The following ENTHD1 variants were observed in gnomAD, a reference collection of about 807,000 sequenced individuals.
ENTHD1 encodes ENTH domain containing 1, also known as ENTH domain-containing protein 1.
In ENTHD1, 23 loss-of-function variants were observed where a neutral mutation model predicts 39.1. That is an observed-to-expected ratio of 0.59 (90% CI 0.42 to 0.83). The LOEUF (loss-of-function observed/expected upper bound fraction) is 0.83. Among genes scored for constraint, ENTHD1 ranks in the 40% least tolerant of loss-of-function variants. The probability of loss-of-function intolerance (pLI) is 0.00; values close to 1 mark genes in which losing one functional copy is unlikely to be tolerated. For missense variants in ENTHD1, 624 were observed against 705.4 expected (o/e 0.88, Z 1.31); for synonymous variants, 230 against 258.2 (o/e 0.89, Z 1.05).
intron 5 of ENTHD1, among the ~76,000 whole-genome samples, chr22:39,799,250 G>C (rs986883159): frequency 5.3e-5 from 8 of 152,176 alleles, no homozygotes; most frequent in African/African-American, 1.9e-4. Flanking sequence ...GGAGGGGAGG[G>C]TGTGCTCACA....
chr22:39,875,494 G>A, intron 2 of ENTHD1: 1 of 1,586,634 alleles, frequency 6.3e-7, no homozygotes. Flanking sequence ...TCGCCTCCGT[G>A]GGCCTCAATG....
At chr22:39,745,763 T>C (rs1294620896) in intron 6 of ENTHD1, among the ~76,000 whole-genome samples, 2 of 152,194 alleles carry the variant, frequency 1.3e-5, no homozygotes, top group Non-Finnish European at 2.9e-5. Context: ...TGTCTGAAAA[T>C]GTCTGTACTC....
chr22:39,782,272 G>A (rs1039958524), intron 5 of ENTHD1, among the ~76,000 whole-genome samples: 7 of 152,120 alleles, frequency 4.6e-5, no homozygotes, highest in Non-Finnish European at 7.4e-5. Flanking sequence ...GGGCAACAGA[G>A]AGAGACTCTG....
chr22:39,874,564 G>C (rs1489082937), intron 2 of ENTHD1: 5 of 152,094 alleles, frequency 3.3e-5, no homozygotes, highest in Non-Finnish European at 7.4e-5. Context: ...AAATGGAAAA[G>C]ACAAGCTACA....
chr22:39,808,859 AG>A (rs1392396853), intron 5 of ENTHD1, among the ~76,000 whole-genome samples: 46 of 152,320 alleles, frequency 3.0e-4, no homozygotes, highest in African/African-American at 1.0e-3. Flanking sequence ...TATCAATGAA[AG>A]CCTTTAGTAG....
chr22:39,748,289 C>G (rs1262770935), intron 6 of ENTHD1, among the ~76,000 whole-genome samples: 1 of 151,106 alleles, frequency 6.6e-6, no homozygotes, highest in Non-Finnish European at 1.5e-5. Flanking sequence ...CAAAACATAT[C>G]TGTTAAAGTA....
chr22:39,890,821 G>C (rs1180466045), intron 1 of ENTHD1, among the ~76,000 whole-genome samples: 1 of 152,138 alleles, frequency 6.6e-6, no homozygotes, highest in Non-Finnish European at 1.5e-5. Flanking sequence ...AATGTACAAT[G>C]ACTTGAACTT....
chr22:39,890,136 AAATAAATAAAT>A (rs2066415299), intron 1 of ENTHD1, among the ~76,000 whole-genome samples: 2 of 150,740 alleles, frequency 1.3e-5, no homozygotes, highest in African/African-American at 2.4e-5. Flanking sequence ...ATAAATAAAT[AAATAAATAAAT>A]AAAAAAGAAA....
chr22:39,786,848 ATGT>A (rs1285968360), intron 5 of ENTHD1, among the ~76,000 whole-genome samples: 7 of 152,178 alleles, frequency 4.6e-5, no homozygotes, highest in Non-Finnish European at 1.0e-4. Context: ...AGGTTTATTC[ATGT>A]TGTCACAAAT....
intron 5 of ENTHD1, among the ~76,000 whole-genome samples, chr22:39,796,943 T>C (rs530985809): frequency 6.6e-6 from 1 of 152,346 alleles, no homozygotes; most frequent in African/African-American, 2.4e-5. Flanking sequence ...CTAGATGATC[T>C]GTCTAATCCT....
intron 5 of ENTHD1, among the ~76,000 whole-genome samples, chr22:39,795,485 G>A (rs1340909910): frequency 1.3e-5 from 2 of 151,692 alleles, no homozygotes. Context: ...GAGTACAGTG[G>A]TGTGATCATG....
At chr22:39,778,755 A>G (rs2065385060) in intron 5 of ENTHD1, among the ~76,000 whole-genome samples, 1 of 152,164 alleles carries the variant, frequency 6.6e-6, no homozygotes, top group South Asian at 2.1e-4. Flanking sequence ...TTATAATATG[A>G]CTTACAGGAC....
At chr22:39,769,584 C>G (rs1225746624) in intron 5 of ENTHD1, among the ~76,000 whole-genome samples, 2 of 152,044 alleles carry the variant, frequency 1.3e-5, no homozygotes, top group African/African-American at 2.4e-5. Context: ...GGAGAAAGCT[C>G]CGGGGTGGAG....
chr22:39,844,936 C>A (rs1043366572), intron 3 of ENTHD1, among the ~76,000 whole-genome samples: 1 of 152,098 alleles, frequency 6.6e-6, no homozygotes, highest in Non-Finnish European at 1.5e-5. Flanking sequence ...ATCTCTCCCC[C>A]ACAGGAATAG....
chr22:39,780,490 T>C (rs1255252458), intron 5 of ENTHD1, among the ~76,000 whole-genome samples: 2 of 151,990 alleles, frequency 1.3e-5, no homozygotes, highest in Admixed American at 6.6e-5. Context: ...ACTTCACCTA[T>C]AAAGACACAT....
chr22:39,781,019 T>C (rs1341212635), intron 5 of ENTHD1, among the ~76,000 whole-genome samples: 2 of 140,262 alleles, frequency 1.4e-5, no homozygotes, highest in Non-Finnish European at 3.2e-5. Flanking sequence ...AAGCAAACAG[T>C]AGATCTAAAA....
intron 5 of ENTHD1, among the ~76,000 whole-genome samples, chr22:39,775,736 C>T: frequency 6.6e-6 from 1 of 152,134 alleles, no homozygotes; most frequent in African/African-American, 2.4e-5. Flanking sequence ...TGAGTCAGCA[C>T]ACAGCTGGCC....
chr22:39,773,619 T>C (rs2065344646), intron 5 of ENTHD1, among the ~76,000 whole-genome samples: 2 of 152,206 alleles, frequency 1.3e-5, no homozygotes, highest in African/African-American at 4.8e-5. Flanking sequence ...ACCTCATAGC[T>C]GGTGTATTTT....
intron 2 of ENTHD1, among the ~76,000 whole-genome samples, chr22:39,882,879 T>G (rs2066349458): frequency 6.6e-6 from 1 of 151,650 alleles, no homozygotes; most frequent in African/African-American, 2.4e-5. Context: ...GGCAGGTGCC[T>G]GTAGTCCCAG....
Sources: gnomAD v4.1 joint callset for allele counts (sites outside exome capture counted in the v4.1 genomes callset) on GRCh38, gnomAD v4.1.1 for gene constraint, MANE v1.5 for transcripts, NCBI Gene and HGNC (gene_info 2026-07-23, HGNC 2026-07-21) for gene names.